Variants in SLC13A3 observed in about 807,000 individuals in gnomAD.
The protein encoded by SLC13A3 is Na(+)/dicarboxylate cotransporter 3.
SLC13A3 carries 40 observed loss-of-function variants against 59.0 expected under a neutral mutation model. The observed-to-expected ratio is 0.68, with a 90% CI of 0.53 to 0.88. The LOEUF is 0.88. SLC13A3 is among the 40% of genes least tolerant of loss of function. The pLI is 0.00. For missense variants in SLC13A3, 699 were observed against 783.2 expected (o/e 0.89, Z 1.28); for synonymous variants, 317 against 330.3 (o/e 0.96, Z 0.44).
upstream of SLC13A3, among the ~76,000 whole-genome samples, chr20:46,654,776 C>T (rs147499648): frequency 4.3e-4 from 65 of 152,278 alleles, no homozygotes; most frequent in African/African-American, 1.3e-3. Context: ...GGTGATCCAC[C>T]GGCCTAGGCA....
chr20:46,651,573 C>G, upstream of SLC13A3: 1 of 1,299,920 alleles, frequency 7.7e-7, no homozygotes, highest in Non-Finnish European at 9.8e-7. Flanking sequence ...GGTGCCTGCG[C>G]CCCTGGGACC....
chr20:46,573,975 G>A (rs565664585), intron 10 of SLC13A3, among the ~76,000 whole-genome samples: 169 of 152,260 alleles, frequency 1.1e-3, no homozygotes, highest in Middle Eastern at 3.4e-3. Flanking sequence ...TTAACGCCTC[G>A]GTTTACAAGG....
chr20:46,602,453 A>G (rs1256770892), intron 3 of SLC13A3, among the ~76,000 whole-genome samples: 2 of 152,228 alleles, frequency 1.3e-5, no homozygotes, highest in African/African-American at 4.8e-5. Flanking sequence ...ATGTTCCTGC[A>G]GCTGGAACCA....
chr20:46,654,964 T>G (rs185875920), upstream of SLC13A3, among the ~76,000 whole-genome samples: 8 of 152,358 alleles, frequency 5.3e-5, no homozygotes, highest in East Asian at 1.5e-3. Flanking sequence ...TTATTTTCTT[T>G]GAGCACTTGA....
chr20:46,634,962 G>A lies in SLC13A3; in HGVS notation c.111+16349C>T, dbSNP rs2062781545. The stretch of plus-strand genomic sequence containing the variant: ...CATCCTCTCCCGCACCTTTGCAGCT[G>A]GTGCTAATGGGAGGCCTTTCTCCAG... On this transcript the variant is annotated intron_variant, in intron 1 of 12. Coordinates refer to ENST00000279027, the MANE Select transcript of SLC13A3 (RefSeq NM_022829.6). Among the ~76,000 whole-genome samples the A allele has an allele frequency of 2.0e-5, 3 of 152,100 alleles. No homozygotes were observed. In the South Asian group the frequency reaches 6.2e-4, roughly 32 times the overall value.
At chr20:46,590,996 C>CA (rs555500205) in intron 6 of SLC13A3, among the ~76,000 whole-genome samples, 2,621 of 135,664 alleles carry the variant, frequency 0.019, 41 homozygotes, top group East Asian at 0.075. Context: ...CTCTCTCTAC[C>CA]AAAAAAAAAA....
upstream of SLC13A3, among the ~76,000 whole-genome samples, chr20:46,672,251 C>T (rs2063097133): frequency 6.6e-6 from 1 of 152,190 alleles, no homozygotes; most frequent in Admixed American, 6.5e-5. Flanking sequence ...GTGCAAATCC[C>T]AACATTTGGT....
Position 46,577,647 on chromosome 20 carries a change from G to A in SLC13A3, c.1220-1962C>T, listed in dbSNP as rs184525116. Among the ~76,000 whole-genome samples, 164 of 152,294 alleles carry A rather than the reference G, an allele frequency of 1.1e-3. 1 individual carries two copies. Among genetic ancestry groups the A allele is most frequent in the Non-Finnish European group, 2.9e-4 (20 of 68,038 alleles). Reference sequence around the variant, plus strand: ...TGCTCAGTTAATGTTAGCTACCATGGGTTTTATTGTTTTCCCATCCAACCA... The same window carrying A: ...TGCTCAGTTAATGTTAGCTACCATGAGTTTTATTGTTTTCCCATCCAACCA... On this transcript the variant is annotated intron_variant, in intron 9 of 12. Coordinates refer to ENST00000279027, the MANE Select transcript of SLC13A3 (RefSeq NM_022829.6).
intron 12 of SLC13A3, among the ~76,000 whole-genome samples, chr20:46,562,241 T>C (rs1178815139): frequency 6.6e-6 from 1 of 152,168 alleles, no homozygotes; most frequent in Non-Finnish European, 1.5e-5. Context: ...TTGAATAAGA[T>C]ACCAAGTCTG....
chr20:46,609,342 C>T (rs1405143944), intron 3 of SLC13A3, among the ~76,000 whole-genome samples: 1 of 152,088 alleles, frequency 6.6e-6, no homozygotes, highest in African/African-American at 2.4e-5. Flanking sequence ...TATGTAGTCA[C>T]CTAAAAATAC....
chr20:46,674,300 C>T (rs2063109429), upstream of SLC13A3, among the ~76,000 whole-genome samples: 1 of 152,134 alleles, frequency 6.6e-6, no homozygotes, highest in Non-Finnish European at 1.5e-5. Context: ...ATTAGTTCCC[C>T]CTTCTTTCCC....
At chr20:46,569,163 G>GTT (rs551692759) in intron 10 of SLC13A3, among the ~76,000 whole-genome samples, 2 of 150,844 alleles carry the variant, frequency 1.3e-5, no homozygotes, top group African/African-American at 4.9e-5. Flanking sequence ...TTTTTTAAGT[G>GTT]TTTTTTTTTG....
rs184198426 is a variant in SLC13A3 at position 46,678,326 on chromosome 20, T to G, written c.-31+6070A>C. On this transcript the variant is annotated intron_variant, in intron 1 of 6. Coordinates refer to the SLC13A3 transcript ENST00000372121. ...CAAGATGCTATGAACAAGTATGGCT[T>G]TGGCGGCCTGGGGTCTCTATCTGTG... Among the ~76,000 whole-genome samples, 434 of 152,378 alleles carry G rather than the reference T, an allele frequency of 2.8e-3. 4 individuals are homozygous for G. Among genetic ancestry groups the G allele is most frequent in the African/African-American group, 0.01 (421 of 41,594 alleles).
chr20:46,630,192 A>G (rs2062723462), intron 1 of SLC13A3, among the ~76,000 whole-genome samples: 1 of 152,220 alleles, frequency 6.6e-6, no homozygotes, highest in South Asian at 2.1e-4. Flanking sequence ...TCTCTTTAGC[A>G]TTTATGTTTG....
At chr20:46,571,173 T>G (rs1474507401) in intron 10 of SLC13A3, among the ~76,000 whole-genome samples, 14 of 152,170 alleles carry the variant, frequency 9.2e-5, no homozygotes, top group Non-Finnish European at 5.9e-5. Context: ...GCCCCCACGA[T>G]TAAATTACTT....
chr20:46,632,315 T>C lies in SLC13A3; in HGVS notation c.112-18590A>G, dbSNP rs530968059. ...AAGTGCCAGACCCTCTGGAGCTACA[T>C]AGTGTTTGAAGCATCATGGCTCAGG... On this transcript the variant is annotated intron_variant, in intron 1 of 12. Transcript: ENST00000279027. 3.9e-5 allele frequency among the ~76,000 whole-genome samples: 6 copies of C among 152,330 alleles called. No homozygotes were observed. In the South Asian group the frequency reaches 1.2e-3, roughly 32 times the overall value.
chr20:46,586,526 C>T (rs193165129), intron 8 of SLC13A3, among the ~76,000 whole-genome samples: 1 of 152,324 alleles, frequency 6.6e-6, no homozygotes, highest in Admixed American at 6.5e-5. Context: ...TTTATGTCTG[C>T]AACCTAAACA....
intron 5 of SLC13A3, among the ~76,000 whole-genome samples, chr20:46,595,508 G>C (rs184607016): frequency 3.9e-5 from 6 of 152,286 alleles, no homozygotes; most frequent in Middle Eastern, 3.4e-3. Context: ...TGGTTGGAAG[G>C]CTTCTCTTGG....
chr20:46,586,547 G>A (rs751147501), intron 8 of SLC13A3, among the ~76,000 whole-genome samples: 23 of 152,082 alleles, frequency 1.5e-4, no homozygotes, highest in Non-Finnish European at 2.9e-4. Flanking sequence ...TCTCCTCTAA[G>A]CTCCAGTCTT....
Sources: gnomAD v4.1 joint callset for allele counts (sites outside exome capture counted in the v4.1 genomes callset) on GRCh38, gnomAD v4.1.1 for gene constraint, MANE v1.5 for transcripts, NCBI Gene and HGNC (gene_info 2026-07-23, HGNC 2026-07-21) for gene names.